ELP2: variants seen among roughly 807,000 people sequenced by gnomAD.
ELP2 encodes elongator acetyltransferase complex subunit 2.
ELP2 carries 90 observed loss-of-function variants against 119.2 expected under a neutral mutation model. That is an observed-to-expected ratio of 0.75 (90% CI 0.64 to 0.90). The LOEUF (loss-of-function observed/expected upper bound fraction) is 0.90. ELP2 is among the 40% of genes least tolerant of loss of function. The pLI is 0.00. For missense variants in ELP2, 921 were observed against 967.8 expected, an observed-to-expected ratio of 0.95 and a Z score of 0.64; for synonymous variants, 339 against 331.0, an observed-to-expected ratio of 1.02 and a Z score of -0.26.
In ELP2 at chr18:36,155,000, G is replaced by A; in HGVS notation, c.1275+1G>A. ...ATGGAAGAGAAAAGACCAATCACAG[G>A]TAAAATGTCTTATTTATTTATTTAT... On this transcript the variant is annotated splice_donor_variant, in intron 12 of 21. Coordinates refer to ENST00000358232, the MANE Select transcript of ELP2 (RefSeq NM_018255.4). LOFTEE classifies it high-confidence loss of function. 6.8e-6 allele frequency: 11 copies of A among 1,610,660 alleles called. No homozygotes were observed. The highest frequency in any genetic ancestry group is 9.3e-6 in the Non-Finnish European group (11 of 1,176,996).
Position 36,167,090 on chromosome 18 carries a change from A to G in ELP2, c.1955-11A>G, listed in dbSNP as rs747827534. The G allele has an allele frequency of 6.3e-7, 1 of 1,595,572 alleles. No homozygotes were observed. The highest frequency in any genetic ancestry group is 1.2e-5 in the South Asian group (1 of 86,038). ...TCTGCTTTGTGAATAGTGTATACAT[A>G]TTTCTTTCAGAGCCAGTTTTTAGTC... On this transcript the variant is annotated splice_polypyrimidine_tract_variant and intron_variant, in intron 18 of 21. Transcript: ENST00000358232.
At chr18:36,173,488 C>T (rs2091142887) in intron 21 of ELP2, among the ~76,000 whole-genome samples, 2 of 152,244 alleles carry the variant, frequency 1.3e-5, no homozygotes, top group Non-Finnish European at 1.5e-5. Context: ...CATGAGCTAT[C>T]ACTGAGAGTA....
intron 11 of ELP2, among the ~76,000 whole-genome samples, chr18:36,149,885 G>A (rs937266274): frequency 6.6e-6 from 1 of 152,146 alleles, no homozygotes; most frequent in East Asian, 1.9e-4. Flanking sequence ...GTCAAACTGT[G>A]ACTCTAAGGA....
Position 36,156,616 on chromosome 18 carries a change from G to T in ELP2, c.1426G>T (p.Ala476Ser). ...APRNFVENFC[A>S]ITGQSLNHVL... ...TCGGAATTTTGTGGAAAATTTTTGT[G>T]CCATTACAGGACAATCACTGAATCA... Residue 476 changes from alanine to serine, a missense_variant, in exon 13 of 22, where the codon GCC becomes TCC. Physicochemically the swap from Ala to Ser is moderately conservative, Grantham distance 99. Coordinates refer to ENST00000358232, the MANE Select transcript of ELP2 (RefSeq NM_018255.4). 6.2e-7 allele frequency: 1 copy of T among 1,614,078 alleles called. No individual in the cohort carries two copies. The highest frequency in any genetic ancestry group is 1.1e-5 in the South Asian group (1 of 91,080).
At chr18:36,141,790 A>G (rs192135768) in intron 6 of ELP2, among the ~76,000 whole-genome samples, 80 of 150,132 alleles carry the variant, frequency 5.3e-4, no homozygotes, top group African/African-American at 2.0e-3. Flanking sequence ...TCCTGGGGTG[A>G]AGCAATCCTC....
chr18:36,135,660 A>T (rs2089797578), intron 2 of ELP2, among the ~76,000 whole-genome samples: 1 of 152,172 alleles, frequency 6.6e-6, no homozygotes, highest in Non-Finnish European at 1.5e-5. Flanking sequence ...CTCTAATTTC[A>T]ACAATAAGTC....
Position 36,154,849 on chromosome 18 carries a change from G to A in ELP2, c.1126-1G>A. 1.9e-6 allele frequency: 3 copies of A among 1,614,012 alleles called. No individual in the cohort carries two copies. Among genetic ancestry groups the A allele is most frequent in the Non-Finnish European group, 2.5e-6 (3 of 1,179,930 alleles). ...ATGTGATATGAGCACTTCCATTGCA[G>A]AGAGAGTGGACTCCAGAGATTGTCA... is the stretch of plus-strand genomic sequence containing the variant. On this transcript the variant is annotated splice_acceptor_variant, in intron 11 of 21. Transcript: ENST00000358232. LOFTEE classifies it high-confidence loss of function.
In ELP2 at chr18:36,156,670, A is replaced by G; in HGVS notation, c.1464+16A>G. 6.2e-7 allele frequency: 1 copy of G among 1,610,358 alleles called. No individual in the cohort carries two copies. Among genetic ancestry groups the G allele is most frequent in the Non-Finnish European group, 8.5e-7 (1 of 1,176,802 alleles). Reference sequence around the variant, plus strand: ...GCTCTGTAATGTGAGTATTTCTCTAAATATTTTACCTAAATCTAGTCACTT... The same window carrying G: ...GCTCTGTAATGTGAGTATTTCTCTAGATATTTTACCTAAATCTAGTCACTT... On this transcript the variant is annotated intron_variant, in intron 13 of 21. Coordinates refer to ENST00000358232, the MANE Select transcript of ELP2 (RefSeq NM_018255.4).
In ELP2 at chr18:36,137,850, T is replaced by C. The variant is rs935118720; in HGVS notation, c.289-420T>C. ...AAATTAACATCACGGTGAAAAAACC[T>C]GGCAGACAATACTTCTACTAAATAT... On this transcript the variant is annotated intron_variant, in intron 3 of 21. Transcript: ENST00000358232. Among the ~76,000 whole-genome samples the C allele has an allele frequency of 9.6e-5, 14 of 145,462 alleles. No individual in the cohort carries two copies. The South Asian group carries it at 1.2e-3, about 12-fold the overall frequency.
intron 16 of ELP2, among the ~76,000 whole-genome samples, chr18:36,160,578 GAA>G (rs34625725): frequency 1.4e-5 from 2 of 141,908 alleles, no homozygotes; most frequent in African/African-American, 2.6e-5. Flanking sequence ...ACCTTGCCTT[GAA>G]AAAAAAAAAA....
rs1458177352 is a variant in ELP2 at position 36,171,113 on chromosome 18, A to G, written c.2277A>G (p.Gln759=). The G allele has an allele frequency of 5.6e-6, 9 of 1,614,186 alleles. No individual in the cohort carries two copies. The highest frequency in any genetic ancestry group is 6.8e-6 in the Non-Finnish European group (8 of 1,179,960). The part of the protein sequence containing the change: ...ICLYTWKKTD[Q]VPEINDWTHC... ...TATATACCTGGAAAAAGACTGATCAAGTTCCAGAAATAAATGACTGGACCC... is the reference window on the plus strand; with the variant it reads ...TATATACCTGGAAAAAGACTGATCAGGTTCCAGAAATAAATGACTGGACCC... Residue 759 remains glutamine, a synonymous_variant, in exon 21 of 22, where the codon CAA becomes CAG. Coordinates refer to ENST00000358232, the MANE Select transcript of ELP2 (RefSeq NM_018255.4).
At chr18:36,130,092 G>T in intron 1 of ELP2, 21 bp downstream of exon 1, 1 of 1,613,894 alleles carries the variant, frequency 6.2e-7, no homozygotes. Flanking sequence ...TCGCTGGACG[G>T]CCGACCCTTG....
chr18:36,130,731 C>A (rs1483730504), intron 1 of ELP2, among the ~76,000 whole-genome samples: 5 of 152,170 alleles, frequency 3.3e-5, no homozygotes, highest in African/African-American at 1.2e-4. Flanking sequence ...TAACTCCATT[C>A]CCAATGGCTA....
intron 1 of ELP2, among the ~76,000 whole-genome samples, chr18:36,130,905 T>A (rs2089593207): frequency 6.6e-6 from 1 of 152,172 alleles, no homozygotes; most frequent in Non-Finnish European, 1.5e-5. Context: ...GCGTGTCTCA[T>A]GTCTGTAATC....
intron 12 of ELP2, among the ~76,000 whole-genome samples, chr18:36,155,999 A>G (rs1337325901): frequency 2.0e-5 from 3 of 152,168 alleles, no homozygotes; most frequent in South Asian, 2.1e-4. Flanking sequence ...TTCTGTAATT[A>G]TTAGATAAGA....
Position 36,157,477 on chromosome 18 carries a change from AGT to A in ELP2, c.1464+825_1464+826del, listed in dbSNP as rs561516104. ...CCTGTTGGACTGAAGACTGGATAGA[AGT>A]GGGGAGAATGGGGAAAGTCCATGGT... On this transcript the variant is annotated intron_variant, in intron 13 of 21. Transcript: ENST00000358232. 3.3e-5 allele frequency among the ~76,000 whole-genome samples: 5 copies of A among 152,212 alleles called. No individual in the cohort carries two copies. In the East Asian group the frequency reaches 9.7e-4, roughly 29 times the overall value.
intron 14 of ELP2, among the ~76,000 whole-genome samples, chr18:36,159,114 C>CTTTTT (rs5823998): frequency 7.2e-6 from 1 of 138,552 alleles, no homozygotes; most frequent in Non-Finnish European, 1.6e-5. Flanking sequence ...TGTTTTTTCC[C>CTTTTT]TTTTTTTTTT....
intron 11 of ELP2, among the ~76,000 whole-genome samples, chr18:36,146,877 T>G (rs2090222388): frequency 6.6e-6 from 1 of 152,110 alleles, no homozygotes; most frequent in South Asian, 2.1e-4. Context: ...CATGTAACTG[T>G]CTCTCTACAG....
chr18:36,142,394 T>C lies in ELP2; in HGVS notation c.655+47T>C, dbSNP rs767289005. On this transcript the variant is annotated intron_variant, in intron 7 of 21. Transcript: ENST00000358232. ...TGCACATACAATGGGAACAAATATG[T>C]GTTACTTCCAAGAAAGCAGCCTTTT... is the stretch of plus-strand genomic sequence containing the variant. 6 of 1,455,460 alleles carry C rather than the reference T, an allele frequency of 4.1e-6. No individual in the cohort carries two copies. The Admixed American group carries it at 1.0e-4, about 24-fold the overall frequency. 90.2% of individuals were successfully genotyped at this position (1,455,460 alleles called of 1,614,324 possible). A position where few individuals can be genotyped will look rare whatever the true frequency, so the allele number is the denominator to read the frequency against.
Sources: allele counts gnomAD v4.1 joint callset (sites outside exome capture counted in the v4.1 genomes callset), GRCh38; gene constraint gnomAD v4.1.1; transcripts MANE v1.5; gene names NCBI Gene and HGNC (gene_info 2026-07-23, HGNC 2026-07-21).